The following ADGRL3 variants were observed in gnomAD, a reference collection of about 807,000 sequenced individuals.
ADGRL3 encodes calcium-independent alpha-latrotoxin receptor 3.
A neutral mutation model predicts 153.5 loss-of-function variants in ADGRL3; 62 were observed. The observed-to-expected ratio is 0.40, with a 90% CI of 0.33 to 0.50. The LOEUF is 0.50. Among genes scored for constraint, ADGRL3 ranks in the 20% least tolerant of loss-of-function variants. ADGRL3 has a pLI of 0.47. For synonymous variants in ADGRL3, 710 were observed against 672.5 expected (o/e 1.06, Z -0.86); for missense variants, 1,641 against 1,859.4 (o/e 0.88, Z 2.16).
chr4:61,535,660 T>G (rs1023822863), intron 4 of ADGRL3, among the ~76,000 whole-genome samples: 2 of 152,024 alleles, frequency 1.3e-5, no homozygotes, highest in Non-Finnish European at 2.9e-5. Flanking sequence ...TCCTTGTTGT[T>G]CAGTCTTGTA....
intron 4 of ADGRL3, among the ~76,000 whole-genome samples, chr4:61,585,841 T>C (rs2098944298): frequency 6.6e-6 from 1 of 152,118 alleles, no homozygotes; most frequent in East Asian, 1.9e-4. Context: ...AATATATATG[T>C]CCAGCAAACA....
intron 8 of ADGRL3, among the ~76,000 whole-genome samples, chr4:61,739,070 G>A (rs1282601077): frequency 6.6e-6 from 1 of 151,920 alleles, no homozygotes; most frequent in Non-Finnish European, 1.5e-5. Flanking sequence ...TGAAATTGGT[G>A]GAAACATAAA....
chr4:61,642,649 C>G (rs1560984359), intron 5 of ADGRL3, among the ~76,000 whole-genome samples: 1 of 152,068 alleles, frequency 6.6e-6, no homozygotes, highest in East Asian at 1.9e-4. Flanking sequence ...TGATCTATAT[C>G]TCTATTTTGG....
chr4:61,875,482 T>G (rs2098469888), intron 9 of ADGRL3, among the ~76,000 whole-genome samples: 1 of 152,206 alleles, frequency 6.6e-6, no homozygotes, highest in Non-Finnish European at 1.5e-5. Flanking sequence ...TGGAGAACAT[T>G]GTTTATTATA....
intron 8 of ADGRL3, among the ~76,000 whole-genome samples, chr4:61,762,908 T>A (rs1354750414): frequency 6.6e-6 from 1 of 152,172 alleles, no homozygotes; most frequent in East Asian, 1.9e-4. Flanking sequence ...TGGCTACACA[T>A]AAAATTCTTT....
chr4:61,229,997 G>T (rs1169415040), intron 1 of ADGRL3, among the ~76,000 whole-genome samples: 1 of 152,038 alleles, frequency 6.6e-6, no homozygotes, highest in East Asian at 1.9e-4. Context: ...TTCAGTATCT[G>T]ATTTTTAAGT....
At chr4:61,995,096 G>T (rs1282934123) in intron 19 of ADGRL3, among the ~76,000 whole-genome samples, 2 of 151,408 alleles carry the variant, frequency 1.3e-5, no homozygotes, top group Non-Finnish European at 2.9e-5. Flanking sequence ...CAGACACAAG[G>T]TTTTGCCATG....
chr4:61,745,223 C>G (rs1315269537), intron 8 of ADGRL3, among the ~76,000 whole-genome samples: 1 of 152,130 alleles, frequency 6.6e-6, no homozygotes, highest in Non-Finnish European at 1.5e-5. Context: ...AAGACCAAAT[C>G]TACGTCTGAT....
At chr4:61,362,129 A>G (rs1414627765) in intron 1 of ADGRL3, among the ~76,000 whole-genome samples, 1 of 151,148 alleles carries the variant, frequency 6.6e-6, no homozygotes, top group African/African-American at 2.4e-5. Context: ...CAGCCTCCCG[A>G]GTAGCTGGGA....
intron 2 of ADGRL3, among the ~76,000 whole-genome samples, chr4:61,399,026 A>G (rs1201617970): frequency 6.6e-6 from 1 of 151,736 alleles, no homozygotes; most frequent in Non-Finnish European, 1.5e-5. Flanking sequence ...ATTTATTCAT[A>G]TATTCTAATT....
intron 1 of ADGRL3, 128 bp from the exon 2 acceptor site, chr4:61,382,996 G>A (rs891089485): frequency 6.6e-6 from 1 of 151,626 alleles, no homozygotes; most frequent in African/African-American, 2.4e-5. Flanking sequence ...TGAGACCTCA[G>A]GCATTGTGGG....
At chr4:61,389,678 G>A (rs1162488203) in intron 2 of ADGRL3, among the ~76,000 whole-genome samples, 1 of 152,098 alleles carries the variant, frequency 6.6e-6, no homozygotes, top group East Asian at 1.9e-4. Context: ...CAGAATGTGT[G>A]GGATGTAAAA....
chr4:61,822,812 C>A (rs1306255402), intron 9 of ADGRL3, among the ~76,000 whole-genome samples: 1 of 152,064 alleles, frequency 6.6e-6, no homozygotes, highest in African/African-American at 2.4e-5. Flanking sequence ...TGTTCAAATT[C>A]TCTTTCCATG....
chr4:61,990,306 C>T (rs1269800618), intron 19 of ADGRL3, among the ~76,000 whole-genome samples: 1 of 151,578 alleles, frequency 6.6e-6, no homozygotes, highest in Non-Finnish European at 1.5e-5. Flanking sequence ...TTATATGTTC[C>T]CATATATATA....
chr4:61,305,851 G>A (rs2094761651), intron 1 of ADGRL3, among the ~76,000 whole-genome samples: 1 of 152,098 alleles, frequency 6.6e-6, no homozygotes, highest in South Asian at 2.1e-4. Flanking sequence ...TAAGCAAGTG[G>A]AGGAATATTC....
intron 11 of ADGRL3, among the ~76,000 whole-genome samples, chr4:61,905,314 T>G (rs945590476): frequency 6.6e-6 from 1 of 152,176 alleles, no homozygotes; most frequent in Non-Finnish European, 1.5e-5. Context: ...TTAGAATGCG[T>G]TACTTGATTT....
chr4:61,873,639 G>T (rs4860437), intron 9 of ADGRL3, among the ~76,000 whole-genome samples: 89,691 of 151,846 alleles, frequency 0.59, 26,986 homozygotes, highest in Admixed American at 0.69. Flanking sequence ...TTCATGTTTA[G>T]ATTATTATAT....
In ADGRL3 at chr4:61,844,736, G is replaced by A. The variant is rs150079247; in HGVS notation, c.1480+30847G>A. On this transcript the variant is annotated intron_variant, in intron 9 of 26. Transcript: ENST00000683033. ...CTCTCACATTCATTGCAACTGTCTT[G>A]CCTTAATGCAGACTCTGTTCATCTT... Among the ~76,000 whole-genome samples the A allele has an allele frequency of 8.4e-4, 127 of 151,444 alleles. 2 individuals carry two copies. In the East Asian group the frequency reaches 0.022, roughly 26 times the overall value.
At chr4:61,468,930 A>G (rs1334701333) in intron 2 of ADGRL3, among the ~76,000 whole-genome samples, 2 of 152,150 alleles carry the variant, frequency 1.3e-5, no homozygotes, top group Non-Finnish European at 2.9e-5. Flanking sequence ...AATAAAGTAT[A>G]TATACAAAGT....
Sources: allele counts gnomAD v4.1 joint callset (sites outside exome capture counted in the v4.1 genomes callset), GRCh38; gene constraint gnomAD v4.1.1; transcripts MANE v1.5; gene names NCBI Gene and HGNC (gene_info 2026-07-23, HGNC 2026-07-21).